RERE: variants seen among roughly 807,000 people sequenced by gnomAD.
RERE encodes the protein arginine-glutamic acid dipeptide repeats protein.
Under a neutral mutation model 146.1 loss-of-function variants are expected in RERE, and 40 were observed. That is an observed-to-expected ratio of 0.27 (90% CI 0.21 to 0.36). The LOEUF (loss-of-function observed/expected upper bound fraction) is 0.36. Ranked by LOEUF, RERE falls within the 10% of genes least tolerant of loss-of-function variation. The probability of loss-of-function intolerance (pLI) is 1.00; values close to 1 mark genes in which losing one functional copy is unlikely to be tolerated. For synonymous variants in RERE, 1,003 were observed against 866.0 expected (o/e 1.16, Z -2.78); for missense variants, 1,933 against 2,138.7 (o/e 0.90, Z 1.90).
intron 12 of RERE, among the ~76,000 whole-genome samples, chr1:8,379,278 C>A (rs927318572): frequency 1.3e-5 from 2 of 152,164 alleles, no homozygotes; most frequent in African/African-American, 4.8e-5. Context: ...AAGAGCCCAG[C>A]TCCATGGGGC....
intron 6 of RERE, among the ~76,000 whole-genome samples, chr1:8,552,201 T>C (rs1270928324): frequency 3.9e-5 from 6 of 152,220 alleles, no homozygotes; most frequent in African/African-American, 1.4e-4. Context: ...GTTTTCCTTT[T>C]GATTCACCAT....
intron 1 of RERE, among the ~76,000 whole-genome samples, chr1:8,661,101 G>A (rs1638447024): frequency 6.6e-6 from 1 of 152,162 alleles, no homozygotes; most frequent in Non-Finnish European, 1.5e-5. Context: ...TTGCAGGACT[G>A]CAATTTTAAA....
intron 1 of RERE, among the ~76,000 whole-genome samples, chr1:8,714,412 G>A (rs576902925): frequency 7.9e-5 from 12 of 152,264 alleles, no homozygotes; most frequent in African/African-American, 1.7e-4. Context: ...ATAGAGTAAC[G>A]CCTTCAAATT....
At chr1:8,765,462 T>A (rs557550744) in intron 1 of RERE, among the ~76,000 whole-genome samples, 3 of 152,214 alleles carry the variant, frequency 2.0e-5, no homozygotes, top group African/African-American at 7.2e-5. Context: ...AACAATTGAA[T>A]TGTACAATTT....
chr1:8,359,696 C>G (rs937184123), intron 19 of RERE, 68 bp downstream of exon 19: 2 of 1,534,732 alleles, frequency 1.3e-6, no homozygotes, highest in Non-Finnish European at 1.8e-6. Context: ...AGCTCGGTGG[C>G]CCAGCGTGGC....
In RERE at chr1:8,365,772, T is replaced by C. The variant is rs1267966013; in HGVS notation, c.1447+40A>G. ...AGTGGGACAGGCTGCCCGTGAACAG[T>C]CTCCCCTCCGCCCACTGTGATGCCA... On this transcript the variant is annotated intron_variant, in intron 13 of 22. Transcript: ENST00000400908. 13 of 1,606,136 alleles carry C rather than the reference T, an allele frequency of 8.1e-6. No individual in the cohort carries two copies. In the East Asian group the frequency reaches 2.5e-4, roughly 30 times the overall value.
intron 12 of RERE, among the ~76,000 whole-genome samples, chr1:8,369,077 A>G (rs1168759520): frequency 6.6e-6 from 1 of 152,072 alleles, no homozygotes; most frequent in Non-Finnish European, 1.5e-5. Flanking sequence ...GTGTGCCTGT[A>G]ATAATACCAG....
At chr1:8,362,577 A>C in intron 16 of RERE, 106 bp downstream of exon 16, 1 of 1,417,134 alleles carries the variant, frequency 7.1e-7, no homozygotes, top group Non-Finnish European at 9.8e-7. Flanking sequence ...GGCTCCATGA[A>C]TGAGCTGCAT....
intron 1 of RERE, among the ~76,000 whole-genome samples, chr1:8,771,858 G>GCT: frequency 6.8e-6 from 1 of 146,802 alleles, no homozygotes; most frequent in African/African-American, 2.5e-5. Context: ...TGCAGTGACC[G>GCT]GAGATCACGC....
intron 7 of RERE, among the ~76,000 whole-genome samples, chr1:8,523,952 T>C (rs1645538944): frequency 6.6e-6 from 1 of 152,248 alleles, no homozygotes; most frequent in Non-Finnish European, 1.5e-5. Flanking sequence ...AAAGGCAATA[T>C]TCTCCTGACT....
chr1:8,704,634 C>T (rs1639522572), intron 1 of RERE, among the ~76,000 whole-genome samples: 1 of 152,190 alleles, frequency 6.6e-6, no homozygotes, highest in Admixed American at 6.5e-5. Context: ...GAATAGAACC[C>T]AGGGGTCCTG....
At chr1:8,402,664 T>C (rs1431092869) in intron 12 of RERE, among the ~76,000 whole-genome samples, 1 of 152,172 alleles carries the variant, frequency 6.6e-6, no homozygotes, top group Non-Finnish European at 1.5e-5. Flanking sequence ...TATGTTTTGC[T>C]TGGTGAAGGG....
intron 1 of RERE, among the ~76,000 whole-genome samples, chr1:8,809,930 A>C (rs1641771912): frequency 1.3e-5 from 2 of 152,342 alleles, no homozygotes; most frequent in South Asian, 4.1e-4. Flanking sequence ...GGTAGGAAAT[A>C]AAAGTGGCCA....
chr1:8,813,269 C>A (rs1023869324), intron 1 of RERE, among the ~76,000 whole-genome samples: 6 of 152,162 alleles, frequency 3.9e-5, no homozygotes, highest in Non-Finnish European at 8.8e-5. Flanking sequence ...TAATGACTCA[C>A]TTAAACATTT....
chr1:8,370,413 C>G (rs184913378), intron 12 of RERE, among the ~76,000 whole-genome samples: 3 of 152,186 alleles, frequency 2.0e-5, no homozygotes, highest in East Asian at 3.8e-4. Flanking sequence ...TGTGGTGTCA[C>G]TGACACAAAT....
At chr1:8,782,863 G>T (rs969389261) in intron 1 of RERE, among the ~76,000 whole-genome samples, 1 of 152,086 alleles carries the variant, frequency 6.6e-6, no homozygotes, top group African/African-American at 2.4e-5. Context: ...CCAAGACTGC[G>T]CCACTACACT....
chr1:8,596,110 T>C (rs544391301), intron 4 of RERE, among the ~76,000 whole-genome samples: 5 of 152,210 alleles, frequency 3.3e-5, no homozygotes, highest in Admixed American at 2.6e-4. Context: ...TGTTTACAAA[T>C]TGTCTATGGC....
intron 4 of RERE, among the ~76,000 whole-genome samples, chr1:8,597,995 A>G (rs926739460): frequency 6.6e-6 from 1 of 152,204 alleles, no homozygotes; most frequent in Admixed American, 6.5e-5. Context: ...TCTTCCTAAA[A>G]GAGAAATATG....
chr1:8,775,670 G>A (rs1359728521), intron 1 of RERE, among the ~76,000 whole-genome samples: 5 of 152,048 alleles, frequency 3.3e-5, no homozygotes, highest in African/African-American at 9.7e-5. Context: ...AAATACACAT[G>A]GTGGTTATTT....
Sources: allele counts gnomAD v4.1 joint callset (sites outside exome capture counted in the v4.1 genomes callset), GRCh38; gene constraint gnomAD v4.1.1; transcripts MANE v1.5; gene names NCBI Gene and HGNC (gene_info 2026-07-23, HGNC 2026-07-21).